Variants in ZNF362 observed in about 807,000 individuals in gnomAD.
ZNF362 encodes zinc finger protein 362.
Under a neutral mutation model 42.9 loss-of-function variants are expected in ZNF362, and 11 were observed. The observed-to-expected ratio is 0.26, with a 90% CI of 0.16 to 0.42. The LOEUF is 0.42. ZNF362 is among the 20% of genes least tolerant of loss of function. The pLI is 1.00. For missense variants in ZNF362, 362 were observed against 576.2 expected, an observed-to-expected ratio of 0.63 and a Z score of 3.81; for synonymous variants, 255 against 257.3, an observed-to-expected ratio of 0.99 and a Z score of 0.09.
the ZNF362 span, among the ~76,000 whole-genome samples, chr1:33,230,342 G>A: frequency 1.3e-5 from 2 of 152,186 alleles, no homozygotes; most frequent in African/African-American, 4.8e-5. Flanking sequence ...AAATACATCC[G>A]CGCACCAACT....
At chr1:33,236,550 A>AAAAAAAAAAATATAT in the ZNF362 span, among the ~76,000 whole-genome samples, 66 of 5,976 alleles carry the variant, frequency 0.011, 14 homozygotes, top group East Asian at 0.042. Context: ...AAAAAAAAAA[A>AAAAAAAAAAATATAT]ATATATATAT....
chr1:33,212,481 G>T, the ZNF362 span, among the ~76,000 whole-genome samples: 1 of 152,120 alleles, frequency 6.6e-6, no homozygotes, highest in Non-Finnish European at 1.5e-5. Flanking sequence ...CCCAAGACTG[G>T]ATAGTTTATA....
the ZNF362 span, among the ~76,000 whole-genome samples, chr1:33,185,035 C>T: frequency 5.3e-5 from 8 of 152,078 alleles, no homozygotes; most frequent in African/African-American, 1.9e-4. Flanking sequence ...ACCGCCTCTG[C>T]CTCCCAAAGT....
the ZNF362 span, among the ~76,000 whole-genome samples, chr1:33,156,626 T>C: frequency 5.3e-5 from 8 of 152,204 alleles, no homozygotes; most frequent in Non-Finnish European, 8.8e-5. Flanking sequence ...CTGTCTTTTC[T>C]ATCCGCCCCC....
At chr1:33,277,852 T>C (rs1645963236) in intron 4 of ZNF362, among the ~76,000 whole-genome samples, 1 of 152,122 alleles carries the variant, frequency 6.6e-6, no homozygotes, top group Non-Finnish European at 1.5e-5. Context: ...GTCAAGGGGC[T>C]GGAGCCACCG....
chr1:33,283,500 A>G (rs1352287170), intron 6 of ZNF362, among the ~76,000 whole-genome samples: 1 of 152,146 alleles, frequency 6.6e-6, no homozygotes, highest in African/African-American at 2.4e-5. Flanking sequence ...TGAACTCAGG[A>G]GTTCGAGACC....
the ZNF362 span, among the ~76,000 whole-genome samples, chr1:33,223,166 A>T: frequency 2.0e-5 from 3 of 151,988 alleles, no homozygotes; most frequent in African/African-American, 7.3e-5. Context: ...CAGGAGAATC[A>T]CTTGAACCCA....
chr1:33,195,635 T>C, the ZNF362 span: 2 of 78,286 alleles, frequency 2.6e-5, no homozygotes, highest in Admixed American at 1.4e-4. Flanking sequence ...TTTAAACATA[T>C]CTAAACATAG....
intron 2 of ZNF362, among the ~76,000 whole-genome samples, chr1:33,271,956 G>C (rs991877344): frequency 7.2e-5 from 11 of 152,216 alleles, no homozygotes; most frequent in African/African-American, 2.7e-4. Context: ...TCAGGGAGAG[G>C]CCTGGCTGGA....
At chr1:33,290,782 T>G (rs1175247920) in intron 6 of ZNF362, among the ~76,000 whole-genome samples, 1 of 152,280 alleles carries the variant, frequency 6.6e-6, no homozygotes, top group East Asian at 1.9e-4. Flanking sequence ...GGTATCTTAT[T>G]GTGGTTTCGA....
intron 1 of ZNF362, among the ~76,000 whole-genome samples, chr1:33,257,430 T>TTTC (rs1645801390): frequency 2.7e-5 from 4 of 149,932 alleles, no homozygotes; most frequent in Admixed American, 6.6e-5. Context: ...TTCTTTCTTT[T>TTTC]TTTTTTTTTT....
chr1:33,148,302 A>G, the ZNF362 span, among the ~76,000 whole-genome samples: 2 of 152,342 alleles, frequency 1.3e-5, no homozygotes, highest in African/African-American at 4.8e-5. Flanking sequence ...AAGGATAAGA[A>G]ACTATAACCT....
chr1:33,276,542 GCCGCAGCCC>G lies in ZNF362; in HGVS notation c.298_306del (p.Pro100_Pro102del). 1.3e-6 allele frequency: 2 copies of G among 1,502,242 alleles called. No homozygotes were observed. Among genetic ancestry groups the G allele is most frequent in the Non-Finnish European group, 1.8e-6 (2 of 1,129,958 alleles). The allele number at this position is 1,502,242 out of a possible 1,614,324, so 93.1% of individuals were successfully genotyped here. A position where few individuals can be genotyped will look rare whatever the true frequency, so the allele number is the denominator to read the frequency against. On this transcript the variant is annotated inframe_deletion, in exon 4 of 9. Coordinates refer to ENST00000539719, the MANE Select transcript of ZNF362 (RefSeq NM_152493.3). ...TGCCGGGGCTGCATCCACAGGCGGTGCCGCAGCCCGACGTGGCGCTGCACGCACGGCCGG... is the reference window on the plus strand; with the variant it reads ...TGCCGGGGCTGCATCCACAGGCGGTGGACGTGGCGCTGCACGCACGGCCGG...
chr1:33,251,146 G>A, the ZNF362 span, among the ~76,000 whole-genome samples: 1 of 152,202 alleles, frequency 6.6e-6, no homozygotes, highest in Non-Finnish European at 1.5e-5. Context: ...GGAATGAGGT[G>A]GGATTGCAAA....
chr1:33,234,578 C>T, the ZNF362 span, among the ~76,000 whole-genome samples: 5 of 152,174 alleles, frequency 3.3e-5, no homozygotes, highest in Non-Finnish European at 5.9e-5. Flanking sequence ...ATGGACCCTC[C>T]GCATCAGAGA....
At chr1:33,282,336 T>A (rs1646001285) in intron 6 of ZNF362, among the ~76,000 whole-genome samples, 1 of 152,234 alleles carries the variant, frequency 6.6e-6, no homozygotes, top group Non-Finnish European at 1.5e-5. Context: ...TTGGAATAAA[T>A]ATAACTGGTT....
intron 1 of ZNF362, among the ~76,000 whole-genome samples, chr1:33,260,640 G>C (rs113265040): frequency 6.6e-6 from 1 of 152,140 alleles, no homozygotes; most frequent in Non-Finnish European, 1.5e-5. Flanking sequence ...ATGCTGAAGC[G>C]CCATGCGTGT....
At chr1:33,197,696 A>C in the ZNF362 span, among the ~76,000 whole-genome samples, 1 of 152,106 alleles carries the variant, frequency 6.6e-6, no homozygotes, top group Admixed American at 6.5e-5. Flanking sequence ...TCTTTCTGAG[A>C]GGAGGAGACA....
the ZNF362 span, among the ~76,000 whole-genome samples, chr1:33,217,003 G>A: frequency 1.3e-5 from 2 of 151,800 alleles, no homozygotes; most frequent in African/African-American, 2.4e-5. Flanking sequence ...TTGCTGAGGC[G>A]GTTCTGGAGG....
Sources: gnomAD v4.1 joint callset for allele counts (sites outside exome capture counted in the v4.1 genomes callset) on GRCh38, gnomAD v4.1.1 for gene constraint, MANE v1.5 for transcripts, NCBI Gene and HGNC (gene_info 2026-07-23, HGNC 2026-07-21) for gene names.